RTN4RL1: variants seen among roughly 807,000 people sequenced by gnomAD.
RTN4RL1 encodes the protein reticulon 4 receptor like 1.
RTN4RL1 carries 7 observed loss-of-function variants against 25.6 expected under a neutral mutation model. The observed-to-expected ratio is 0.27, with a 90% CI of 0.16 to 0.51. The LOEUF (loss-of-function observed/expected upper bound fraction) is 0.51. Ranked by LOEUF, RTN4RL1 falls within the 20% of genes least tolerant of loss-of-function variation. The probability of loss-of-function intolerance (pLI) is 0.97; values close to 1 mark genes in which losing one functional copy is unlikely to be tolerated. For synonymous variants in RTN4RL1, 297 were observed against 288.2 expected, an observed-to-expected ratio of 1.03 and a Z score of -0.31; for missense variants, 500 against 615.6, an observed-to-expected ratio of 0.81 and a Z score of 1.99.
intron 1 of RTN4RL1, among the ~76,000 whole-genome samples, chr17:1,988,794 T>C (rs1453897199): frequency 6.6e-6 from 1 of 151,066 alleles, no homozygotes; most frequent in African/African-American, 2.5e-5. Context: ...AGGGTAGGAA[T>C]TGTCCAGGTA....
chr17:1,963,507 G>A (rs1047652291), intron 1 of RTN4RL1, among the ~76,000 whole-genome samples: 3 of 152,282 alleles, frequency 2.0e-5, no homozygotes, highest in Admixed American at 1.3e-4. Flanking sequence ...CCTACTGCCC[G>A]CCACCTTCAG....
chr17:1,977,819 C>T (rs2066849348), intron 1 of RTN4RL1, among the ~76,000 whole-genome samples: 1 of 152,114 alleles, frequency 6.6e-6, no homozygotes, highest in Non-Finnish European at 1.5e-5. Flanking sequence ...GAGCGGCGCT[C>T]CCGGGAGCCA....
intron 1 of RTN4RL1, among the ~76,000 whole-genome samples, chr17:1,983,888 C>T (rs2066877611): frequency 6.6e-6 from 1 of 152,128 alleles, no homozygotes; most frequent in Admixed American, 6.5e-5. Context: ...ACGGGGTCCA[C>T]AAAACCTTTA....
chr17:1,996,413 C>CT (rs1224376985), intron 1 of RTN4RL1, among the ~76,000 whole-genome samples: 1 of 149,894 alleles, frequency 6.7e-6, no homozygotes, highest in Non-Finnish European at 1.5e-5. Context: ...CAAGGTCCCC[C>CT]TGCAGAGGGC....
chr17:1,966,975 T>G (rs777835430), intron 1 of RTN4RL1, among the ~76,000 whole-genome samples: 10 of 152,026 alleles, frequency 6.6e-5, no homozygotes, highest in Non-Finnish European at 1.3e-4. Flanking sequence ...CTCCCAGAAT[T>G]ATGGGCCCTC....
intron 1 of RTN4RL1, among the ~76,000 whole-genome samples, chr17:1,949,706 C>T (rs114199453): frequency 0.011 from 1,654 of 152,280 alleles, 29 homozygotes; most frequent in African/African-American, 0.038. Flanking sequence ...CGGCTCCTTC[C>T]CTCCTGGGGC....
intron 1 of RTN4RL1, among the ~76,000 whole-genome samples, chr17:1,961,779 A>AAAAAAAAAG (rs2066763194): frequency 8.9e-6 from 1 of 111,732 alleles, no homozygotes; most frequent in Non-Finnish European, 1.8e-5. Flanking sequence ...AATACAAAAA[A>AAAAAAAAAG]AAAAAAAAAA....
intron 1 of RTN4RL1, among the ~76,000 whole-genome samples, chr17:1,967,861 G>A (rs990403475): frequency 7.9e-5 from 12 of 152,004 alleles, no homozygotes; most frequent in African/African-American, 2.4e-5. Flanking sequence ...GGCTGGTCTC[G>A]AACTCCTGAC....
At chr17:1,962,896 T>C (rs1387245758) in intron 1 of RTN4RL1, among the ~76,000 whole-genome samples, 1 of 143,166 alleles carries the variant, frequency 7.0e-6, no homozygotes, top group Non-Finnish European at 1.5e-5. Flanking sequence ...TGTGGGAAGG[T>C]AGGGAGGGCA....
At chr17:1,999,094 T>TCACACACACA (rs59609042) in intron 1 of RTN4RL1, among the ~76,000 whole-genome samples, 2,735 of 147,342 alleles carry the variant, frequency 0.019, 65 homozygotes, top group African/African-American at 0.061. Context: ...ACATGCGCGA[T>TCACACACACA]CACACACACA....
chr17:2,005,957 C>T (rs978579531), intron 1 of RTN4RL1, among the ~76,000 whole-genome samples: 2 of 151,228 alleles, frequency 1.3e-5, no homozygotes, highest in African/African-American at 4.9e-5. Flanking sequence ...CCGCCACGCC[C>T]GCCTTATTTT....
At chr17:1,985,507 G>A (rs2066883944) in intron 1 of RTN4RL1, among the ~76,000 whole-genome samples, 1 of 152,218 alleles carries the variant, frequency 6.6e-6, no homozygotes, top group South Asian at 2.1e-4. Flanking sequence ...AGCTATGGTT[G>A]ATTACTGGAC....
intron 1 of RTN4RL1, among the ~76,000 whole-genome samples, chr17:2,006,248 C>G (rs938380109): frequency 6.6e-6 from 1 of 151,744 alleles, no homozygotes; most frequent in Admixed American, 6.6e-5. Context: ...ACCTCCGCCT[C>G]CCAGGTTCAA....
intron 1 of RTN4RL1, chr17:1,995,576 T>A (rs993858133): frequency 7.2e-5 from 11 of 152,238 alleles, no homozygotes; most frequent in African/African-American, 2.7e-4. Context: ...ACTCTCACTG[T>A]CGCCGGAAGT....
intron 1 of RTN4RL1, among the ~76,000 whole-genome samples, chr17:1,985,505 T>C (rs1404834046): frequency 1.3e-5 from 2 of 152,232 alleles, no homozygotes; most frequent in African/African-American, 4.8e-5. Context: ...ATAGCTATGG[T>C]TGATTACTGG....
intron 1 of RTN4RL1, among the ~76,000 whole-genome samples, chr17:1,975,430 C>T (rs1190621013): frequency 6.6e-6 from 1 of 152,222 alleles, no homozygotes; most frequent in East Asian, 1.9e-4. Flanking sequence ...GTGGGTGGAT[C>T]ACTTGAGGTC....
At chr17:1,978,590 C>T (rs1210983479) in intron 1 of RTN4RL1, among the ~76,000 whole-genome samples, 3 of 141,650 alleles carry the variant, frequency 2.1e-5, no homozygotes, top group African/African-American at 2.6e-5. Flanking sequence ...ACTGTGTGAC[C>T]TTTAGCCAGT....
At chr17:1,988,660 G>T (rs117792374) in intron 1 of RTN4RL1, among the ~76,000 whole-genome samples, 123 of 152,256 alleles carry the variant, frequency 8.1e-4, no homozygotes, top group Middle Eastern at 3.4e-3. Context: ...CTTCCTGAAG[G>T]AATGGAGAAA....
At chr17:1,957,284 G>A (rs1006299239) in intron 1 of RTN4RL1, among the ~76,000 whole-genome samples, 1 of 152,102 alleles carries the variant, frequency 6.6e-6, no homozygotes, top group Admixed American at 6.6e-5. Context: ...CCAGCTGTGG[G>A]AGCTCTCAGA....
Sources: gnomAD v4.1 joint callset for allele counts (sites outside exome capture counted in the v4.1 genomes callset) on GRCh38, gnomAD v4.1.1 for gene constraint, MANE v1.5 for transcripts, NCBI Gene and HGNC (gene_info 2026-07-23, HGNC 2026-07-21) for gene names.